Variants in RBMS3 observed in about 807,000 individuals in gnomAD.
The protein encoded by RBMS3 is RNA binding motif single stranded interacting protein 3, also known as RNA-binding motif, single-stranded-interacting protein 3.
RBMS3 carries 27 observed loss-of-function variants against 66.8 expected under a neutral mutation model. The observed-to-expected ratio is 0.40, with a 90% CI of 0.30 to 0.56. The LOEUF (loss-of-function observed/expected upper bound fraction) is 0.56, where lower values mean the gene tolerates loss of function less well. Ranked by LOEUF, RBMS3 falls within the 20% of genes least tolerant of loss-of-function variation. The pLI is 0.40. For missense variants in RBMS3, 513 were observed against 549.5 expected (o/e 0.93, Z 0.66); for synonymous variants, 188 against 183.0 (o/e 1.03, Z -0.22).
At chr3:29,795,390 G>C (rs2057149882) in intron 6 of RBMS3, among the ~76,000 whole-genome samples, 1 of 152,138 alleles carries the variant, frequency 6.6e-6, no homozygotes. Context: ...GCATTTTTCA[G>C]GTTAACTACA....
intron 3 of RBMS3, among the ~76,000 whole-genome samples, chr3:29,538,378 C>G (rs111698002): frequency 6.6e-6 from 1 of 152,074 alleles, no homozygotes; most frequent in Non-Finnish European, 1.5e-5. Flanking sequence ...ACCAAGAGCA[C>G]TAACAGGAAG....
At chr3:29,447,906 G>A (rs186771284) in intron 2 of RBMS3, among the ~76,000 whole-genome samples, 1 of 152,218 alleles carries the variant, frequency 6.6e-6, no homozygotes, top group Admixed American at 6.5e-5. Flanking sequence ...GATCATTGCA[G>A]CCTTCCACAC....
chr3:29,766,233 A>G (rs1020423159), intron 6 of RBMS3: 2 of 152,008 alleles, frequency 1.3e-5, no homozygotes, highest in Admixed American at 1.3e-4. Flanking sequence ...ACTGTTGACA[A>G]TGACAATTAT....
At chr3:29,802,169 G>C (rs900037038) in intron 6 of RBMS3, among the ~76,000 whole-genome samples, 1 of 152,164 alleles carries the variant, frequency 6.6e-6, no homozygotes, top group African/African-American at 2.4e-5. Context: ...GCAAGCCTGA[G>C]TATAAACCAG....
chr3:29,362,564 C>G (rs772928089), intron 1 of RBMS3, among the ~76,000 whole-genome samples: 1 of 152,170 alleles, frequency 6.6e-6, no homozygotes, highest in African/African-American at 2.4e-5. Flanking sequence ...AACTACTACT[C>G]TCTTCAAAGC....
At chr3:29,593,340 A>C (rs940713615) in intron 4 of RBMS3, among the ~76,000 whole-genome samples, 1 of 152,116 alleles carries the variant, frequency 6.6e-6, no homozygotes, top group Non-Finnish European at 1.5e-5. Context: ...TTTTGTTTTT[A>C]TCATTCCTAG....
rs1351208762 is a variant in RBMS3, at chr3:29,981,364, G to C, written c.1099-6779G>C. On this transcript the variant is annotated intron_variant, in intron 12 of 14. Coordinates refer to ENST00000383767, the MANE Select transcript of RBMS3 (RefSeq NM_001003793.3). Reference sequence around the variant, plus strand: ...TGGGGTTTTCTAAATATACAATCATGTCATCTGCAAACAGAGACAATTGGA... The same window carrying C: ...TGGGGTTTTCTAAATATACAATCATCTCATCTGCAAACAGAGACAATTGGA... Among the ~76,000 whole-genome samples the C allele has an allele frequency of 3.3e-5, 5 of 152,254 alleles. No homozygotes were observed. The East Asian group carries it at 9.7e-4, about 29-fold the overall frequency.
intron 2 of RBMS3, among the ~76,000 whole-genome samples, chr3:29,465,122 G>A (rs1278205781): frequency 6.6e-6 from 1 of 152,174 alleles, no homozygotes; most frequent in African/African-American, 2.4e-5. Flanking sequence ...GGAATGTACA[G>A]TATCCACAAT....
intron 11 of RBMS3, among the ~76,000 whole-genome samples, chr3:29,939,138 G>C (rs1232555377): frequency 1.3e-5 from 2 of 151,782 alleles, no homozygotes; most frequent in Non-Finnish European, 2.9e-5. Context: ...CCATTTCTTT[G>C]GCTGCTAACA....
intron 1 of RBMS3, among the ~76,000 whole-genome samples, chr3:29,282,355 A>G: frequency 6.6e-6 from 1 of 152,164 alleles, no homozygotes; most frequent in Non-Finnish European, 1.5e-5. Flanking sequence ...GCTTTACAAT[A>G]GATGTTCTTT....
chr3:29,639,009 C>T (rs1172086685), intron 4 of RBMS3, among the ~76,000 whole-genome samples: 1 of 151,444 alleles, frequency 6.6e-6, no homozygotes, highest in Non-Finnish European at 1.5e-5. Flanking sequence ...TTAAAAGTTT[C>T]TTTTATCGTA....
At chr3:29,483,245 C>T (rs933940261) in intron 2 of RBMS3, among the ~76,000 whole-genome samples, 7 of 146,134 alleles carry the variant, frequency 4.8e-5, no homozygotes, top group Non-Finnish European at 1.0e-4. Flanking sequence ...GGAGGCGGAG[C>T]TTGCAGTGAG....
At chr3:29,330,469 A>T (rs894024458) in intron 1 of RBMS3, among the ~76,000 whole-genome samples, 3 of 152,172 alleles carry the variant, frequency 2.0e-5, no homozygotes, top group African/African-American at 7.2e-5. Context: ...GAAGAGCCCT[A>T]CAGTGAAATA....
chr3:29,920,609 T>G (rs1207569435), intron 10 of RBMS3, among the ~76,000 whole-genome samples: 1 of 149,070 alleles, frequency 6.7e-6, no homozygotes, highest in Non-Finnish European at 1.5e-5. Flanking sequence ...GAATATAATT[T>G]TTTTTAACTT....
At chr3:29,401,593 G>A (rs2039812672) in intron 1 of RBMS3, among the ~76,000 whole-genome samples, 1 of 152,032 alleles carries the variant, frequency 6.6e-6, no homozygotes, top group Non-Finnish European at 1.5e-5. Context: ...AGCTAGACTA[G>A]GTTGGCTTTT....
intron 4 of RBMS3, among the ~76,000 whole-genome samples, chr3:29,660,815 C>T (rs2050515564): frequency 6.6e-6 from 1 of 152,122 alleles, no homozygotes; most frequent in Admixed American, 6.5e-5. Flanking sequence ...TTGTCAGCCT[C>T]CTATGCACAG....
intron 4 of RBMS3, among the ~76,000 whole-genome samples, chr3:29,734,636 A>G (rs1431417545): frequency 8.5e-5 from 13 of 152,122 alleles, no homozygotes; most frequent in Non-Finnish European, 1.3e-4. Context: ...ATGAAAAGAA[A>G]TAGTAGGAAT....
At chr3:29,742,290 TCTC>T (rs2054683454) in intron 5 of RBMS3, among the ~76,000 whole-genome samples, 1 of 152,184 alleles carries the variant, frequency 6.6e-6, no homozygotes, top group East Asian at 1.9e-4. Flanking sequence ...AGCCTCTCTC[TCTC>T]CTCTGTTGCA....
At chr3:29,344,158 G>A (rs573609698) in intron 1 of RBMS3, among the ~76,000 whole-genome samples, 4 of 150,768 alleles carry the variant, frequency 2.7e-5, no homozygotes, top group East Asian at 1.9e-4. Context: ...CCTTCCTTAC[G>A]TCTGTCCTTC....
Sources: allele counts gnomAD v4.1 joint callset (sites outside exome capture counted in the v4.1 genomes callset), GRCh38; gene constraint gnomAD v4.1.1; transcripts MANE v1.5; gene names NCBI Gene and HGNC (gene_info 2026-07-23, HGNC 2026-07-21).